The following TMEM74 variants were observed in gnomAD, a reference collection of about 807,000 sequenced individuals.
The protein encoded by TMEM74 is transmembrane protein 74.
In TMEM74, 13 loss-of-function variants were observed where a neutral mutation model predicts 18.1. The observed-to-expected ratio is 0.72, with a 90% confidence interval of 0.47 to 1.14. The LOEUF (loss-of-function observed/expected upper bound fraction) is 1.14. TMEM74 is among the 50% of genes most tolerant of loss of function. TMEM74 has a pLI of 0.00. For synonymous variants in TMEM74, 159 were observed against 146.6 expected (o/e 1.08, Z -0.61); for missense variants, 372 against 375.9 (o/e 0.99, Z 0.09).
At chr8:108,716,820 A>G (rs1189493868) in intron 1 of TMEM74, among the ~76,000 whole-genome samples, 1 of 151,862 alleles carries the variant, frequency 6.6e-6, no homozygotes, top group East Asian at 1.9e-4. Context: ...AATATATTCA[A>G]TAAAAAATGG....
At chr8:108,745,152 T>C (rs1813836820) in intron 1 of TMEM74, among the ~76,000 whole-genome samples, 1 of 152,166 alleles carries the variant, frequency 6.6e-6, no homozygotes, top group Admixed American at 6.6e-5. Context: ...GCCTCTTTCT[T>C]CCTCTGTTTA....
chr8:108,690,527 T>C (rs1447024039), intron 1 of TMEM74, among the ~76,000 whole-genome samples: 1 of 151,960 alleles, frequency 6.6e-6, no homozygotes, highest in Non-Finnish European at 1.5e-5. Context: ...AACAAATAAT[T>C]CTGTCAGAAA....
intron 1 of TMEM74, among the ~76,000 whole-genome samples, chr8:108,741,442 T>C: frequency 6.6e-6 from 1 of 152,312 alleles, no homozygotes; most frequent in South Asian, 2.1e-4. Context: ...TATTTAAAAA[T>C]AGATCATCAA....
chr8:108,657,420 T>C (rs889686473), intron 1 of TMEM74, among the ~76,000 whole-genome samples: 1 of 151,948 alleles, frequency 6.6e-6, no homozygotes, highest in Non-Finnish European at 1.5e-5. Context: ...ATTGGCCAAA[T>C]GGATTAGTGC....
In TMEM74 at chr8:108,780,474, G is replaced by A. The variant is rs7845796; in HGVS notation, c.*3707C>T. On this transcript the variant is annotated 3_prime_UTR_variant, in exon 2 of 2. Coordinates refer to ENST00000297459, the MANE Select transcript of TMEM74 (RefSeq NM_153015.3). Reference sequence around the variant, plus strand: ...CAATATTTAACTAGCATGGTGCTCAGTCACTCATTTATCAAGATTAAGTCA... The same window carrying A: ...CAATATTTAACTAGCATGGTGCTCAATCACTCATTTATCAAGATTAAGTCA... 0.25 allele frequency among the ~76,000 whole-genome samples: 37,247 copies of A among 151,980 alleles called. 5,256 individuals are homozygous for A. Among genetic ancestry groups the A allele is most frequent in the Middle Eastern group, 0.33 (96 of 294 alleles).
chr8:108,727,513 T>C (rs1813650893), intron 1 of TMEM74, among the ~76,000 whole-genome samples: 1 of 152,136 alleles, frequency 6.6e-6, no homozygotes, highest in Admixed American at 6.6e-5. Context: ...AAAAGATAGA[T>C]TTGCCATCAA....
Position 108,676,130 on chromosome 8 carries a change from G to T in TMEM74, n.120-20693C>A, listed in dbSNP as rs543538516. 5.3e-5 allele frequency among the ~76,000 whole-genome samples: 8 copies of T among 152,242 alleles called. No individual in the cohort carries two copies. In the East Asian group the frequency reaches 7.7e-4, roughly 15 times the overall value. ...TATTTATTGTAAAGGAGTGGGGAAAGATATCAGGACTGGCTGGCAGAAATG... is the reference window on the plus strand; with the variant it reads ...TATTTATTGTAAAGGAGTGGGGAAATATATCAGGACTGGCTGGCAGAAATG... On this transcript the variant is annotated intron_variant and non_coding_transcript_variant, in intron 1 of 3. Transcript: ENST00000518838.
At chr8:108,736,190 T>A (rs992628231) in intron 1 of TMEM74, among the ~76,000 whole-genome samples, 6 of 152,134 alleles carry the variant, frequency 3.9e-5, no homozygotes, top group African/African-American at 1.4e-4. Context: ...CAACCTAGCA[T>A]CACCATTGAC....
intron 1 of TMEM74, among the ~76,000 whole-genome samples, chr8:108,739,461 T>C (rs1373314101): frequency 5.9e-5 from 9 of 152,220 alleles, no homozygotes; most frequent in African/African-American, 2.2e-4. Flanking sequence ...GTTCAGACCC[T>C]TGGGGTGTGT....
chr8:108,739,948 C>G (rs529234562), intron 1 of TMEM74, among the ~76,000 whole-genome samples: 240 of 152,136 alleles, frequency 1.6e-3, no homozygotes, highest in South Asian at 4.0e-3. Context: ...GTGAAGGCCC[C>G]GAGCTCTGGG....
At chr8:108,756,789 A>C in intron 1 of TMEM74, among the ~76,000 whole-genome samples, 1 of 89,052 alleles carries the variant, frequency 1.1e-5, no homozygotes, top group East Asian at 4.3e-4. Context: ...GCAGGAGGGG[A>C]GGGAAGGGGA....
At chr8:108,697,072 T>G (rs1158720425) in intron 1 of TMEM74, among the ~76,000 whole-genome samples, 12 of 152,150 alleles carry the variant, frequency 7.9e-5, no homozygotes, top group Non-Finnish European at 1.6e-4. Context: ...ATCTTTAATG[T>G]GTCCACAGTA....
intron 2 of TMEM74, among the ~76,000 whole-genome samples, chr8:108,615,080 T>C (rs1465091896): frequency 6.6e-6 from 1 of 152,218 alleles, no homozygotes; most frequent in Non-Finnish European, 1.5e-5. Flanking sequence ...TGTCATTCTT[T>C]TCCATTCTCA....
chr8:108,754,429 C>T (rs1813935393), intron 1 of TMEM74, among the ~76,000 whole-genome samples: 2 of 151,938 alleles, frequency 1.3e-5, no homozygotes, highest in African/African-American at 4.8e-5. Flanking sequence ...TGTGTGATCC[C>T]TTCCACTTGA....
At chr8:108,720,198 AG>A (rs914435545) in intron 1 of TMEM74, among the ~76,000 whole-genome samples, 25 of 152,054 alleles carry the variant, frequency 1.6e-4, no homozygotes, top group African/African-American at 5.5e-4. Flanking sequence ...AAAAAAAAAA[AG>A]TATTTATAGA....
chr8:108,617,640 C>A (rs919879916), intron 2 of TMEM74, among the ~76,000 whole-genome samples: 4 of 151,858 alleles, frequency 2.6e-5, no homozygotes, highest in Non-Finnish European at 5.9e-5. Flanking sequence ...TTTAATCTTC[C>A]TACAGCTGAT....
At chr8:108,748,846 T>C (rs886440448) in intron 1 of TMEM74, among the ~76,000 whole-genome samples, 4 of 152,166 alleles carry the variant, frequency 2.6e-5, no homozygotes, top group African/African-American at 4.8e-5. Context: ...ATTTATTAAA[T>C]AGACAATCCT....
At chr8:108,756,870 G>A (rs1442160540) in intron 1 of TMEM74, among the ~76,000 whole-genome samples, 1 of 151,982 alleles carries the variant, frequency 6.6e-6, no homozygotes, top group African/African-American at 2.4e-5. Flanking sequence ...TTTTCTTGCT[G>A]TATTCATAAT....
chr8:108,645,881 G>T (rs893602303), intron 2 of TMEM74, among the ~76,000 whole-genome samples: 1 of 152,122 alleles, frequency 6.6e-6, no homozygotes, highest in Non-Finnish European at 1.5e-5. Context: ...AGCAGAAAGG[G>T]TTTCTTGCTA....
Sources: allele counts gnomAD v4.1 joint callset (sites outside exome capture counted in the v4.1 genomes callset), GRCh38; gene constraint gnomAD v4.1.1; transcripts MANE v1.5; gene names NCBI Gene and HGNC (gene_info 2026-07-23, HGNC 2026-07-21).